SLX9: variants seen among roughly 807,000 people sequenced by gnomAD.
SLX9 encodes SLX9 ribosome biogenesis factor.
A neutral mutation model predicts 20.8 loss-of-function variants in SLX9; 19 were observed. That is an observed-to-expected ratio of 0.91 (90% confidence interval 0.64 to 1.34). The LOEUF (loss-of-function observed/expected upper bound fraction) is 1.34. Ranked by LOEUF, SLX9 falls within the 40% of genes most tolerant of loss-of-function variation. The probability of loss-of-function intolerance (pLI) is 0.00; values close to 1 mark genes in which losing one functional copy is unlikely to be tolerated. For synonymous variants in SLX9, 113 were observed against 137.1 expected (o/e 0.82, Z 1.23); for missense variants, 299 against 322.2 (o/e 0.93, Z 0.55).
At chr21:44,957,444 TCTC>T (rs1290403985) in intron 2 of SLX9, among the ~76,000 whole-genome samples, 3 of 152,318 alleles carry the variant, frequency 2.0e-5, no homozygotes, top group African/African-American at 7.2e-5. Flanking sequence ...GGGCACGGCT[TCTC>T]CTCATCCTCC....
chr21:44,948,073 A>T (rs1377511194), intron 2 of SLX9, among the ~76,000 whole-genome samples: 2 of 152,274 alleles, frequency 1.3e-5, no homozygotes, highest in Non-Finnish European at 2.9e-5. Context: ...AGAGCCTGGC[A>T]GCCGGCCGGG....
At chr21:44,970,397 G>A (rs558688462) in intron 4 of SLX9, among the ~76,000 whole-genome samples, 10 of 152,314 alleles carry the variant, frequency 6.6e-5, no homozygotes, top group East Asian at 3.9e-4. Flanking sequence ...CCCCATTGAC[G>A]TGGGGGTCGT....
chr21:44,976,641 G>C (rs954372675), intron 5 of SLX9, 39 bp from the exon 6 acceptor site: 1 of 1,563,558 alleles, frequency 6.4e-7, no homozygotes, highest in South Asian at 1.2e-5. Context: ...AGGGGTCCGG[G>C]GGTTCCTGCC....
rs189095863 is a variant in SLX9 at position 44,973,270 on chromosome 21, G to A, written c.569+5G>A. The A allele has an allele frequency of 3.1e-6, 5 of 1,611,830 alleles. No homozygotes were observed. The East Asian group carries it at 1.1e-4, about 36-fold the overall frequency. On this transcript the variant is annotated splice_donor_5th_base_variant and intron_variant, in intron 5 of 5. Transcript: ENST00000291634. ...AGCCCAGAGACAGCAGCTTCTGTGA[G>A]TGCACCTGCCCACCTCCTCAGGGGT...
At chr21:44,976,399 G>C (rs2085263371) in intron 5 of SLX9, among the ~76,000 whole-genome samples, 1 of 152,198 alleles carries the variant, frequency 6.6e-6, no homozygotes, top group South Asian at 2.1e-4. Context: ...GCGTTTCTCA[G>C]CCTTGGCGGC....
intron 5 of SLX9, among the ~76,000 whole-genome samples, chr21:44,974,200 T>A (rs1361338912): frequency 6.6e-6 from 1 of 152,156 alleles, no homozygotes; most frequent in African/African-American, 2.4e-5. Context: ...ATTTTTCCTG[T>A]GGTTTGAAAT....
intron 4 of SLX9, among the ~76,000 whole-genome samples, chr21:44,971,060 C>T (rs912588391): frequency 5.3e-5 from 8 of 152,242 alleles, no homozygotes; most frequent in Admixed American, 2.6e-4. Context: ...ACTCCGGTGA[C>T]CCCCATGCTC....
At chr21:44,942,577 C>T (rs1471242398) in intron 1 of SLX9, among the ~76,000 whole-genome samples, 2 of 152,192 alleles carry the variant, frequency 1.3e-5, no homozygotes, top group African/African-American at 2.4e-5. Context: ...TGTTTTACCT[C>T]TACCTTCAAG....
At chr21:44,971,243 C>A (rs2085141270) in intron 4 of SLX9, among the ~76,000 whole-genome samples, 2 of 152,100 alleles carry the variant, frequency 1.3e-5, no homozygotes, top group Non-Finnish European at 1.5e-5. Context: ...AGGGTCCACA[C>A]TGGGCGGAGT....
upstream of SLX9, chr21:44,939,718 T>C (rs1285940655): frequency 2.1e-6 from 1 of 479,404 alleles, no homozygotes; most frequent in Admixed American, 2.3e-5. Context: ...ATATAGAATT[T>C]TAAAAAGGCC....
intron 2 of SLX9, among the ~76,000 whole-genome samples, chr21:44,947,617 G>GT (rs957167957): frequency 6.9e-6 from 1 of 144,376 alleles, no homozygotes; most frequent in African/African-American, 2.5e-5. Flanking sequence ...TCGTTCCTAT[G>GT]TTTTTTTTCA....
In SLX9 at chr21:44,975,260, C is replaced by T. The variant is rs114560261; in HGVS notation, c.570-1420C>T. Among the ~76,000 whole-genome samples, 1,124 of 152,312 alleles carry T rather than the reference C, an allele frequency of 7.4e-3. 21 individuals carry two copies. The highest frequency in any genetic ancestry group is 0.025 in the African/African-American group (1,049 of 41,560). ...TGGGGGCTTCATGTTGGGCATGAGC[C>T]TTGTAGCTCCTGGAGCTGGTGGTCC... On this transcript the variant is annotated intron_variant, in intron 5 of 5. Coordinates refer to ENST00000291634, the MANE Select transcript of SLX9 (RefSeq NM_058190.4).
intron 4 of SLX9, among the ~76,000 whole-genome samples, chr21:44,972,590 C>G (rs73378639): frequency 1.3e-5 from 2 of 152,152 alleles, no homozygotes; most frequent in African/African-American, 4.8e-5. Flanking sequence ...GCAGGATCTA[C>G]GGTGGGTCCA....
intron 2 of SLX9, among the ~76,000 whole-genome samples, chr21:44,959,684 A>G (rs1281015517): frequency 6.6e-6 from 1 of 152,196 alleles, no homozygotes; most frequent in Non-Finnish European, 1.5e-5. Flanking sequence ...TGACGTGACC[A>G]CACAGGATCT....
intron 2 of SLX9, among the ~76,000 whole-genome samples, chr21:44,956,541 T>TA (rs1481319664): frequency 6.6e-6 from 1 of 152,186 alleles, no homozygotes; most frequent in Non-Finnish European, 1.5e-5. Flanking sequence ...AGCATCTGAG[T>TA]GGCTCTGTAG....
At chr21:44,945,590 C>T (rs1419460841) in intron 2 of SLX9, among the ~76,000 whole-genome samples, 1 of 152,262 alleles carries the variant, frequency 6.6e-6, no homozygotes, top group Non-Finnish European at 1.5e-5. Context: ...TCTTGCCTAC[C>T]AGGGAAACTC....
At chr21:44,947,809 G>T (rs976140178) in intron 2 of SLX9, among the ~76,000 whole-genome samples, 1 of 152,090 alleles carries the variant, frequency 6.6e-6, no homozygotes, top group Non-Finnish European at 1.5e-5. Flanking sequence ...TCCCCTCCCC[G>T]CCCCAGCTCT....
chr21:44,974,811 CCT>C (rs1454679904), intron 5 of SLX9, among the ~76,000 whole-genome samples: 1 of 152,200 alleles, frequency 6.6e-6, no homozygotes. Flanking sequence ...ACAGCAGAGC[CCT>C]CTCCGTGTGG....
intron 2 of SLX9, among the ~76,000 whole-genome samples, chr21:44,954,430 G>A (rs1262658845): frequency 6.6e-6 from 1 of 152,218 alleles, no homozygotes; most frequent in Non-Finnish European, 1.5e-5. Context: ...GGGGTGGATG[G>A]TGTTGGCTGG....
Sources: allele counts gnomAD v4.1 joint callset (sites outside exome capture counted in the v4.1 genomes callset), GRCh38; gene constraint gnomAD v4.1.1; transcripts MANE v1.5; gene names NCBI Gene and HGNC (gene_info 2026-07-23, HGNC 2026-07-21).